Variants in GALNT17 observed in about 807,000 individuals in gnomAD.
The protein encoded by GALNT17 is polypeptide N-acetylgalactosaminyltransferase 17.
A neutral mutation model predicts 63.7 loss-of-function variants in GALNT17; 29 were observed. The observed-to-expected ratio is 0.46, with a 90% CI of 0.34 to 0.62. GALNT17 has a LOEUF of 0.62. GALNT17 is among the 20% of genes least tolerant of loss of function. GALNT17 has a pLI of 0.01. For missense variants in GALNT17, 603 were observed against 799.6 expected (o/e 0.75, Z 2.97); for synonymous variants, 305 against 318.3 (o/e 0.96, Z 0.45).
intron 9 of GALNT17, among the ~76,000 whole-genome samples, chr7:71,682,383 TG>T (rs1278838871): frequency 6.6e-6 from 1 of 152,066 alleles, no homozygotes; most frequent in Non-Finnish European, 1.5e-5. Flanking sequence ...AGACATAGTC[TG>T]GGGCAGACTG....
At chr7:71,431,410 A>C (rs968584114) in intron 5 of GALNT17, among the ~76,000 whole-genome samples, 2 of 151,884 alleles carry the variant, frequency 1.3e-5, no homozygotes, top group African/African-American at 4.8e-5. Context: ...GGGTTTTGCC[A>C]TGTTGGTCAG....
intron 1 of GALNT17, among the ~76,000 whole-genome samples, chr7:71,148,113 G>T (rs540304704): frequency 1.4e-4 from 22 of 152,126 alleles, no homozygotes; most frequent in Non-Finnish European, 2.5e-4. Context: ...GTTTCCAAGA[G>T]AATGGGTTTC....
At chr7:71,404,638 A>G (rs551470075) in intron 3 of GALNT17, among the ~76,000 whole-genome samples, 21 of 152,220 alleles carry the variant, frequency 1.4e-4, no homozygotes, top group Non-Finnish European at 3.1e-4. Context: ...CCAGGATTTC[A>G]GAGACAGATG....
At chr7:71,426,355 A>C (rs1373751857) in intron 5 of GALNT17, among the ~76,000 whole-genome samples, 1 of 152,220 alleles carries the variant, frequency 6.6e-6, no homozygotes, top group East Asian at 1.9e-4. Context: ...TTTGTGCAGC[A>C]CTGACCCAGC....
chr7:71,272,231 A>G (rs1298190941), intron 1 of GALNT17, among the ~76,000 whole-genome samples: 1 of 152,132 alleles, frequency 6.6e-6, no homozygotes, highest in Non-Finnish European at 1.5e-5. Context: ...CGAAGTATGG[A>G]TGGACATTTG....
chr7:71,286,645 T>C (rs1391885569), intron 1 of GALNT17, among the ~76,000 whole-genome samples: 2 of 152,216 alleles, frequency 1.3e-5, no homozygotes, highest in Admixed American at 6.5e-5. Flanking sequence ...CCACGATCGA[T>C]GCTAGCTCCA....
At chr7:71,524,871 A>G (rs1788598423) in intron 5 of GALNT17, among the ~76,000 whole-genome samples, 1 of 152,172 alleles carries the variant, frequency 6.6e-6, no homozygotes, top group Non-Finnish European at 1.5e-5. Context: ...TGGAGTCTTC[A>G]CATTGTAGCA....
intron 5 of GALNT17, among the ~76,000 whole-genome samples, chr7:71,515,183 T>G (rs1788425655): frequency 6.6e-6 from 1 of 152,144 alleles, no homozygotes; most frequent in Non-Finnish European, 1.5e-5. Context: ...AACAGACTAA[T>G]ACACCACTCC....
chr7:71,710,032 T>A (rs1468509789), intron 9 of GALNT17, among the ~76,000 whole-genome samples: 1 of 152,200 alleles, frequency 6.6e-6, no homozygotes, highest in Non-Finnish European at 1.5e-5. Context: ...CAGGGTAGAT[T>A]TAGTCAATCC....
In GALNT17 at chr7:71,190,930, G is replaced by T. The variant is rs146695303; in HGVS notation, c.238+57890G>T. 1.1e-4 allele frequency among the ~76,000 whole-genome samples: 17 copies of T among 152,240 alleles called. No individual in the cohort carries two copies. The East Asian group carries it at 3.3e-3, about 29-fold the overall frequency. ...TTACAGGCATGAGCCACTGTGCCTG[G>T]CTTGAACCTGAATTTTAAATGCTAA... On this transcript the variant is annotated intron_variant, in intron 1 of 10. Transcript: ENST00000333538.
chr7:71,652,197 T>A (rs1319340523), intron 6 of GALNT17, among the ~76,000 whole-genome samples: 1 of 151,998 alleles, frequency 6.6e-6, no homozygotes, highest in Non-Finnish European at 1.5e-5. Flanking sequence ...TAATTCCTCT[T>A]GCCAGTCAAT....
intron 5 of GALNT17, among the ~76,000 whole-genome samples, chr7:71,509,943 T>C (rs1477008382): frequency 2.7e-5 from 2 of 72,852 alleles, no homozygotes; most frequent in South Asian, 9.7e-4. Context: ...CCATTTAAAG[T>C]GTACAATTTT....
chr7:71,448,584 C>A (rs114970135), intron 5 of GALNT17, among the ~76,000 whole-genome samples: 18 of 151,878 alleles, frequency 1.2e-4, no homozygotes, highest in South Asian at 6.3e-4. Flanking sequence ...GGTTCTTTAT[C>A]GATCTTTTGC....
rs186086276 is a variant in GALNT17, at chr7:71,435,330, G to A, written c.962+14225G>A. Among the ~76,000 whole-genome samples the A allele has an allele frequency of 5.3e-5, 8 of 152,284 alleles. No individual in the cohort carries two copies. In the East Asian group the frequency reaches 1.5e-3, roughly 29 times the overall value. On this transcript the variant is annotated intron_variant, in intron 5 of 10. Transcript: ENST00000333538. ...GTCATAGGCTGAATTAGCTTAGGGA[G>A]GAACTTAGTTTATAGTTTAAAACAA...
chr7:71,185,144 C>T (rs971535022), intron 1 of GALNT17, among the ~76,000 whole-genome samples: 3 of 147,844 alleles, frequency 2.0e-5, no homozygotes, highest in African/African-American at 5.0e-5. Context: ...CCTCCCCTCC[C>T]GTCCCCTCCC....
At chr7:71,701,753 GTATATATATGTGTATATATA>G (rs1562742207) in intron 9 of GALNT17, among the ~76,000 whole-genome samples, 12 of 22,152 alleles carry the variant, frequency 5.4e-4, no homozygotes, top group East Asian at 7.9e-3. Flanking sequence ...GTATATATAT[GTATATATATGTGTATATATA>G]TGTGTGTGTG....
intron 1 of GALNT17, among the ~76,000 whole-genome samples, chr7:71,322,396 A>G (rs1791633871): frequency 6.6e-6 from 1 of 152,206 alleles, no homozygotes; most frequent in Non-Finnish European, 1.5e-5. Context: ...TTGAAAATTT[A>G]TGGAACGTTT....
Position 71,377,084 on chromosome 7 carries a change from TC to T in GALNT17, c.423-11150del, listed in dbSNP as rs1313074383. Reference sequence around the variant, plus strand: ...CCGGGCAACAGAGCGATATTCCATCTCAAAAAAAAAAAAAAATAAAAATAAA... The same window carrying T: ...CCGGGCAACAGAGCGATATTCCATCTAAAAAAAAAAAAAAATAAAAATAAA... On this transcript the variant is annotated intron_variant, in intron 2 of 10. Coordinates refer to ENST00000333538, the MANE Select transcript of GALNT17 (RefSeq NM_022479.3). Among the ~76,000 whole-genome samples, 119 of 30,812 alleles carry T rather than the reference TC, an allele frequency of 3.9e-3. 6 individuals are homozygous for T. Among genetic ancestry groups the T allele is most frequent in the African/African-American group, 0.024 (111 of 4,614 alleles). The allele number at this position is 30,812 out of a possible 152,430, so 20.2% of individuals were successfully genotyped here. A position where few individuals can be genotyped will look rare whatever the true frequency, so the allele number is the denominator to read the frequency against.
chr7:71,229,433 C>T (rs1181913740), intron 1 of GALNT17, among the ~76,000 whole-genome samples: 1 of 152,184 alleles, frequency 6.6e-6, no homozygotes, highest in Non-Finnish European at 1.5e-5. Flanking sequence ...TGGAGCGTTT[C>T]CTGGCTCTTT....
Sources: allele counts gnomAD v4.1 joint callset (sites outside exome capture counted in the v4.1 genomes callset), GRCh38; gene constraint gnomAD v4.1.1; transcripts MANE v1.5; gene names NCBI Gene and HGNC (gene_info 2026-07-23, HGNC 2026-07-21).